TYW1: variants seen among roughly 807,000 people sequenced by gnomAD.
TYW1 encodes the protein S-adenosyl-L-methionine-dependent tRNA 4-demethylwyosine synthase TYW1.
A neutral mutation model predicts 96.2 loss-of-function variants in TYW1; 46 were observed. That is an observed-to-expected ratio of 0.48 (90% confidence interval 0.38 to 0.61). The LOEUF (loss-of-function observed/expected upper bound fraction) is 0.61. TYW1 is among the 20% of genes least tolerant of loss of function. The probability of loss-of-function intolerance (pLI) is 0.00; values close to 1 mark genes in which losing one functional copy is unlikely to be tolerated. For synonymous variants in TYW1, 274 were observed against 323.0 expected (o/e 0.85, Z 1.63); for missense variants, 684 against 909.6 (o/e 0.75, Z 3.19).
intron 10 of TYW1, among the ~76,000 whole-genome samples, chr7:67,077,813 T>C (rs1418681271): frequency 6.6e-6 from 1 of 152,224 alleles, no homozygotes; most frequent in Non-Finnish European, 1.5e-5. Flanking sequence ...ATAAAATCAT[T>C]GCCCAGACCA....
intron 5 of TYW1, among the ~76,000 whole-genome samples, chr7:67,016,763 G>A (rs1355524406): frequency 6.6e-6 from 1 of 151,846 alleles, no homozygotes; most frequent in Admixed American, 6.6e-5. Context: ...GAGTAGCTGG[G>A]ACCACAGGCG....
At chr7:67,182,069 T>A (rs946270043) in intron 13 of TYW1, among the ~76,000 whole-genome samples, 1 of 152,042 alleles carries the variant, frequency 6.6e-6, no homozygotes, top group African/African-American at 2.4e-5. Context: ...CCTCAGGTGA[T>A]CCCCGCACCT....
intron 13 of TYW1, among the ~76,000 whole-genome samples, chr7:67,136,127 C>T (rs1671825579): frequency 6.6e-6 from 1 of 152,160 alleles, no homozygotes; most frequent in Non-Finnish European, 1.5e-5. Context: ...TTTGACATAG[C>T]CCAAAGTGGA....
chr7:67,219,432 G>A (rs563871387), intron 15 of TYW1, among the ~76,000 whole-genome samples: 3 of 152,258 alleles, frequency 2.0e-5, no homozygotes, highest in Admixed American at 1.3e-4. Flanking sequence ...CTCCTCTTCA[G>A]TGTTTTGGAA....
intron 12 of TYW1, among the ~76,000 whole-genome samples, chr7:67,103,558 A>G (rs980917367): frequency 7.9e-5 from 12 of 152,194 alleles, no homozygotes; most frequent in South Asian, 4.1e-4. Flanking sequence ...TCTCCGAATT[A>G]AACTAAGGAC....
chr7:67,054,288 A>G (rs1795445124), intron 8 of TYW1, among the ~76,000 whole-genome samples: 1 of 151,966 alleles, frequency 6.6e-6, no homozygotes, highest in Non-Finnish European at 1.5e-5. Context: ...TTTTTTCTTT[A>G]CCTAAATGCA....
At chr7:67,007,584 G>T (rs560750394) in intron 3 of TYW1, among the ~76,000 whole-genome samples, 1 of 152,118 alleles carries the variant, frequency 6.6e-6, no homozygotes, top group South Asian at 2.1e-4. Context: ...TATCCAAACC[G>T]TATCAGTCCT....
chr7:67,005,806 A>G (rs1584453402), intron 3 of TYW1, among the ~76,000 whole-genome samples: 1 of 152,242 alleles, frequency 6.6e-6, no homozygotes, highest in South Asian at 2.1e-4. Context: ...TCAAGAGTCA[A>G]TGCTTGAGTC....
chr7:67,137,280 CT>C (rs982779880), intron 13 of TYW1, among the ~76,000 whole-genome samples: 1 of 151,864 alleles, frequency 6.6e-6, no homozygotes, highest in African/African-American at 2.4e-5. Context: ...TTTTGGTACT[CT>C]TTTTATTCTA....
At chr7:67,051,141 A>G (rs1795344014) in intron 8 of TYW1, among the ~76,000 whole-genome samples, 1 of 152,086 alleles carries the variant, frequency 6.6e-6, no homozygotes, top group Non-Finnish European at 1.5e-5. Context: ...AAGTGCTGGG[A>G]TTACAGGTGT....
intron 11 of TYW1, among the ~76,000 whole-genome samples, chr7:67,085,508 G>A (rs915896829): frequency 3.0e-4 from 45 of 152,250 alleles, no homozygotes; most frequent in Non-Finnish European, 7.3e-5. Flanking sequence ...CCCCAGCCAT[G>A]CTGAACTGCG....
At chr7:67,175,170 ATTT>A (rs371564844) in intron 13 of TYW1, among the ~76,000 whole-genome samples, 4 of 136,752 alleles carry the variant, frequency 2.9e-5, no homozygotes, top group Non-Finnish European at 3.1e-5. Context: ...TTAGTTCAGA[ATTT>A]TTTTTTTTTT....
chr7:67,039,695 C>T (rs1007972693), intron 7 of TYW1, among the ~76,000 whole-genome samples: 9 of 150,588 alleles, frequency 6.0e-5, no homozygotes, highest in Admixed American at 1.3e-4. Flanking sequence ...GACAGAGTCT[C>T]ACTCTGTCAT....
At chr7:67,224,256 T>C (rs1801485548) in intron 15 of TYW1, among the ~76,000 whole-genome samples, 1 of 152,242 alleles carries the variant, frequency 6.6e-6, no homozygotes, top group Non-Finnish European at 1.5e-5. Context: ...GCCTCCCAAG[T>C]AGCCGAGATT....
intron 9 of TYW1, among the ~76,000 whole-genome samples, chr7:67,057,079 A>G: frequency 6.8e-6 from 1 of 147,578 alleles, no homozygotes; most frequent in East Asian, 2.0e-4. Context: ...CAGTGTCATG[A>G]TCTTGGCTCA....
chr7:67,128,092 T>C (rs567551412), intron 13 of TYW1, among the ~76,000 whole-genome samples: 1 of 152,216 alleles, frequency 6.6e-6, no homozygotes, highest in Non-Finnish European at 1.5e-5. Flanking sequence ...GACATTAACA[T>C]GGGGAAATCC....
At chr7:67,003,034 G>A (rs532663221) in intron 3 of TYW1, among the ~76,000 whole-genome samples, 1 of 151,936 alleles carries the variant, frequency 6.6e-6, no homozygotes, top group Non-Finnish European at 1.5e-5. Flanking sequence ...GCCACTGAAA[G>A]TGTTAGGATT....
chr7:67,140,482 C>G (rs1213936592), intron 13 of TYW1, among the ~76,000 whole-genome samples: 2 of 151,892 alleles, frequency 1.3e-5, no homozygotes, highest in African/African-American at 4.8e-5. Context: ...CTAAAATGTC[C>G]TAAACATACT....
intron 15 of TYW1, among the ~76,000 whole-genome samples, chr7:67,212,952 T>G (rs1584703752): frequency 6.6e-6 from 1 of 152,184 alleles, no homozygotes; most frequent in Admixed American, 6.5e-5. Flanking sequence ...CTCAGCTCAC[T>G]GCAACCTCTG....
Sources: allele counts gnomAD v4.1 joint callset (sites outside exome capture counted in the v4.1 genomes callset), GRCh38; gene constraint gnomAD v4.1.1; transcripts MANE v1.5; gene names NCBI Gene and HGNC (gene_info 2026-07-23, HGNC 2026-07-21).